Variants in APLF observed in about 807,000 individuals in gnomAD.
APLF encodes the protein aprataxin and PNKP like factor, also known as aprataxin and PNK-like factor.
A neutral mutation model predicts 55.6 loss-of-function variants in APLF; 61 were observed. The observed-to-expected ratio is 1.10, with a 90% CI of 0.89 to 1.36. The LOEUF (loss-of-function observed/expected upper bound fraction) is 1.36. APLF is among the 40% of genes most tolerant of loss of function. The pLI is 0.00. For synonymous variants in APLF, 207 were observed against 214.8 expected (o/e 0.96, Z 0.32); for missense variants, 611 against 602.5 (o/e 1.01, Z -0.15).
intron 5 of APLF, among the ~76,000 whole-genome samples, chr2:68,519,118 T>A (rs979237763): frequency 1.4e-4 from 19 of 134,230 alleles, no homozygotes; most frequent in African/African-American, 5.2e-4. Flanking sequence ...ATATAATATA[T>A]AAAACATATA....
intron 8 of APLF, among the ~76,000 whole-genome samples, chr2:68,558,621 CTGTT>C (rs1671079505): frequency 6.6e-6 from 1 of 152,044 alleles, no homozygotes; most frequent in African/African-American, 2.4e-5. Context: ...TAAAACAGTT[CTGTT>C]TTTTTTCTCT....
At chr2:68,505,832 C>T (rs935976832) in intron 3 of APLF, among the ~76,000 whole-genome samples, 2 of 151,960 alleles carry the variant, frequency 1.3e-5, no homozygotes, top group African/African-American at 4.8e-5. Context: ...GGCTTCATTA[C>T]AAAGGCATGA....
chr2:68,575,064 T>C (rs1425270562), intron 9 of APLF, among the ~76,000 whole-genome samples: 2 of 152,264 alleles, frequency 1.3e-5, no homozygotes, highest in East Asian at 3.9e-4. Flanking sequence ...AAGCAATTAT[T>C]TGTTGTCATG....
rs1475903558 is a variant in APLF, at chr2:68,558,204, T to G, written c.1287-9137T>G. Among the ~76,000 whole-genome samples, 3 of 152,166 alleles carry G rather than the reference T, an allele frequency of 2.0e-5. No homozygotes were observed. In the East Asian group the frequency reaches 5.8e-4, roughly 29 times the overall value. ...TGTCTTCCGTGGTTTTGTTTTTCAT[T>G]TAATGTGCATTAATTTTCATAATAA... is the stretch of plus-strand genomic sequence containing the variant. On this transcript the variant is annotated intron_variant, in intron 8 of 9. Transcript: ENST00000303795.
chr2:68,564,471 A>G (rs553947583), intron 8 of APLF, among the ~76,000 whole-genome samples: 1 of 152,226 alleles, frequency 6.6e-6, no homozygotes, highest in South Asian at 2.1e-4. Flanking sequence ...GATGAGTGTC[A>G]CACTGACACA....
intron 1 of APLF, among the ~76,000 whole-genome samples, chr2:68,482,884 G>A (rs1676007667): frequency 6.6e-6 from 1 of 152,090 alleles, no homozygotes; most frequent in African/African-American, 2.4e-5. Context: ...TTGGGGAAGT[G>A]CGTACCAGGG....
intron 8 of APLF, among the ~76,000 whole-genome samples, chr2:68,562,253 A>G (rs1455625919): frequency 6.6e-6 from 1 of 151,980 alleles, no homozygotes; most frequent in Non-Finnish European, 1.5e-5. Context: ...TTGGAGAGGT[A>G]TTGGTCAAAG....
chr2:68,482,872 G>T (rs1676006784), intron 1 of APLF, among the ~76,000 whole-genome samples: 1 of 152,090 alleles, frequency 6.6e-6, no homozygotes, highest in African/African-American at 2.4e-5. Flanking sequence ...GGTTTGGCTA[G>T]CTTGGGGAAG....
intron 8 of APLF, among the ~76,000 whole-genome samples, chr2:68,564,568 A>G (rs1490458621): frequency 6.6e-6 from 1 of 152,118 alleles, no homozygotes; most frequent in South Asian, 2.1e-4. Context: ...TTTAACACCT[A>G]CCAAGCCCTT....
At chr2:68,572,085 A>G (rs1260085632) in intron 9 of APLF, among the ~76,000 whole-genome samples, 1 of 138,132 alleles carries the variant, frequency 7.2e-6, no homozygotes, top group Admixed American at 6.8e-5. Flanking sequence ...TAAAAGATCC[A>G]GAAAGAAAAC....
rs182624990 is a variant in APLF at position 68,503,200 on chromosome 2, C to G, written c.341+297C>G. ...TATTGAGAATGTATTTTCCATCTAA[C>G]AGTATTCAATATAGTTAATTCGAAA... On this transcript the variant is annotated intron_variant, in intron 3 of 9. Transcript: ENST00000303795. 1.6e-4 allele frequency among the ~76,000 whole-genome samples: 24 copies of G among 152,276 alleles called. No homozygotes were observed. The East Asian group carries it at 4.2e-3, about 27-fold the overall frequency.
At position 68,577,851 on chromosome 2, in the gene APLF, T is replaced by C; in HGVS notation, c.1365T>C (p.Asn455=). 1 of 1,613,416 alleles carries C rather than the reference T, an allele frequency of 6.2e-7. No individual in the cohort carries two copies. Among genetic ancestry groups the C allele is most frequent in the African/African-American group, 1.3e-5 (1 of 74,974 alleles). ...VRNVLDEDND[N]VGQPNEYDLN... ...ATGTTTTAGATGAAGATAATGATAATGTTGGGCAACCCAATGAGTATGACC... is the reference window on the plus strand; with the variant it reads ...ATGTTTTAGATGAAGATAATGATAACGTTGGGCAACCCAATGAGTATGACC... The change falls in exon 10 of 10, where the codon AAT becomes AAC. Residue 455 remains asparagine, a synonymous_variant. Coordinates refer to ENST00000303795, the MANE Select transcript of APLF (RefSeq NM_173545.3).
intron 9 of APLF, among the ~76,000 whole-genome samples, chr2:68,571,007 A>G (rs569584463): frequency 1.3e-5 from 2 of 152,278 alleles, no homozygotes; most frequent in African/African-American, 2.4e-5. Flanking sequence ...GTGAGATGGT[A>G]TCTCATTGTG....
At chr2:68,569,052 A>G (rs545656327) in intron 9 of APLF, among the ~76,000 whole-genome samples, 4 of 152,066 alleles carry the variant, frequency 2.6e-5, no homozygotes, top group African/African-American at 9.7e-5. Flanking sequence ...ATTCTAACAT[A>G]CTTGTTTTTC....
chr2:68,518,598 T>TATA (rs373454471), intron 5 of APLF, among the ~76,000 whole-genome samples: 9,283 of 120,226 alleles, frequency 0.077, 450 homozygotes, highest in Middle Eastern at 0.19. Flanking sequence ...ATCATGAATA[T>TATA]ATAATATATC....
intron 1 of APLF, among the ~76,000 whole-genome samples, chr2:68,474,768 A>G (rs1247252309): frequency 6.6e-6 from 1 of 152,156 alleles, no homozygotes; most frequent in Admixed American, 6.5e-5. Context: ...TTCTGGGTTC[A>G]AGAGATTCTC....
At chr2:68,488,173 G>A (rs1676242092) in intron 1 of APLF, among the ~76,000 whole-genome samples, 1 of 152,014 alleles carries the variant, frequency 6.6e-6, no homozygotes, top group Non-Finnish European at 1.5e-5. Context: ...TTACTCTGTT[G>A]GTTAGAAAAT....
chr2:68,537,345 C>T (rs1354637907), intron 6 of APLF, among the ~76,000 whole-genome samples: 1 of 151,462 alleles, frequency 6.6e-6, no homozygotes, highest in Non-Finnish European at 1.5e-5. Flanking sequence ...AGGTTTGATA[C>T]AACTGTAAAT....
chr2:68,477,183 A>G (rs555709937), intron 1 of APLF, among the ~76,000 whole-genome samples: 47 of 152,210 alleles, frequency 3.1e-4, no homozygotes, highest in Non-Finnish European at 4.0e-4. Context: ...CATAAAATTC[A>G]CTGTAATACA....
Sources: allele counts gnomAD v4.1 joint callset (sites outside exome capture counted in the v4.1 genomes callset), GRCh38; gene constraint gnomAD v4.1.1; transcripts MANE v1.5; gene names NCBI Gene and HGNC (gene_info 2026-07-23, HGNC 2026-07-21).